PPM1B: variants seen among roughly 807,000 people sequenced by gnomAD.
PPM1B encodes protein phosphatase 1B.
Under a neutral mutation model 43.0 loss-of-function variants are expected in PPM1B, and 22 were observed. The ratio of observed to expected loss-of-function variants is 0.51; its 90% CI spans 0.37 to 0.73. The LOEUF (loss-of-function observed/expected upper bound fraction) is 0.73. Ranked by LOEUF, PPM1B falls within the 30% of genes least tolerant of loss-of-function variation. PPM1B has a pLI of 0.00. For missense variants in PPM1B, 632 were observed against 584.2 expected (o/e 1.08, Z -0.84); for synonymous variants, 217 against 197.9 (o/e 1.10, Z -0.81).
At chr2:44,213,740 T>G (rs935899592) in intron 3 of PPM1B, 1 of 152,204 alleles carries the variant, frequency 6.6e-6, no homozygotes, top group African/African-American at 2.4e-5. Context: ...TTGAGGGTGA[T>G]GAAAACGTGA....
rs544393833 is a variant in PPM1B, at chr2:44,199,274, C to T, written c.-14-1912C>T. On this transcript the variant is annotated intron_variant, in intron 1 of 5. Transcript: ENST00000282412. ...TTCCATCTCAAAAAAAAAAAAGAGC[C>T]GGGTGTGGTGGCACGTGCCTGTAGA... Among the ~76,000 whole-genome samples the T allele has an allele frequency of 2.7e-3, 324 of 119,132 alleles. 3 individuals are homozygous for T. The highest frequency in any genetic ancestry group is 9.7e-3 in the African/African-American group (289 of 29,758). 78.2% of individuals were successfully genotyped at this position (119,132 alleles called of 152,430 possible). A position where few individuals can be genotyped will look rare whatever the true frequency, so the allele number is the denominator to read the frequency against.
chr2:44,170,681 C>T (rs1269808108), intron 1 of PPM1B, among the ~76,000 whole-genome samples: 1 of 152,150 alleles, frequency 6.6e-6, no homozygotes, highest in Non-Finnish European at 1.5e-5. Context: ...TATTGTTGGC[C>T]TACTTTTAAA....
chr2:44,193,575 C>CTTTTTTTT (rs575288322), intron 1 of PPM1B, among the ~76,000 whole-genome samples: 2 of 116,714 alleles, frequency 1.7e-5, no homozygotes, highest in Non-Finnish European at 3.5e-5. Context: ...AATTTTTTTT[C>CTTTTTTTT]TTTTTTTTTT....
intron 1 of PPM1B, among the ~76,000 whole-genome samples, chr2:44,186,555 T>A (rs906848366): frequency 6.6e-6 from 1 of 152,020 alleles, no homozygotes; most frequent in East Asian, 1.9e-4. Flanking sequence ...TTTTTTTTTT[T>A]ATAGAGACAG....
intron 5 of PPM1B, 41 bp from the exon 6 acceptor site, chr2:44,230,372 A>T: frequency 6.3e-7 from 1 of 1,597,664 alleles, no homozygotes; most frequent in Non-Finnish European, 8.5e-7. Context: ...GTGATATCCT[A>T]GTTTGTCTAC....
chr2:44,221,677 T>C (rs1417575440), intron 5 of PPM1B, among the ~76,000 whole-genome samples: 1 of 152,182 alleles, frequency 6.6e-6, no homozygotes, highest in Non-Finnish European at 1.5e-5. Context: ...GACTCCTGAA[T>C]GTCTGCTTTA....
At chr2:44,238,531 G>A (rs368736191), downstream of PPM1B, among the ~76,000 whole-genome samples, 58 of 151,924 alleles carry the variant, frequency 3.8e-4, 2 homozygotes, top group South Asian at 8.5e-3. Context: ...GTGAAACCCC[G>A]TCTCTACTAA....
At chr2:44,210,018 A>C (rs1042459031) in intron 3 of PPM1B, among the ~76,000 whole-genome samples, 1 of 152,080 alleles carries the variant, frequency 6.6e-6, no homozygotes, top group African/African-American at 2.4e-5. Flanking sequence ...CCTAGTAGTA[A>C]GTGGAGAATC....
intron 1 of PPM1B, among the ~76,000 whole-genome samples, chr2:44,188,104 C>T (rs774092834): frequency 2.6e-5 from 4 of 152,122 alleles, no homozygotes; most frequent in Non-Finnish European, 5.9e-5. Context: ...CTTTGGCTTA[C>T]TTTAACTTTC....
intron 1 of PPM1B, among the ~76,000 whole-genome samples, chr2:44,195,874 C>A (rs1176745562): frequency 1.3e-5 from 2 of 152,100 alleles, no homozygotes; most frequent in African/African-American, 4.8e-5. Context: ...ATGTAAGAAG[C>A]CTGACCGTGT....
chr2:44,195,949 C>G lies in PPM1B; in HGVS notation c.-14-5237C>G, dbSNP rs539855521. Among the ~76,000 whole-genome samples, 4 of 152,270 alleles carry G rather than the reference C, an allele frequency of 2.6e-5. No homozygotes were observed. The South Asian group carries it at 8.3e-4, about 32-fold the overall frequency. On this transcript the variant is annotated intron_variant, in intron 1 of 5. Transcript: ENST00000282412. The stretch of plus-strand genomic sequence containing the variant: ...TCCTTGGGACAGTCTCAGCTAAATT[C>G]CTAGCCAGCATCCCTCATCAGCTGC...
chr2:44,233,410 T>G, downstream of PPM1B: 1 of 981,754 alleles, frequency 1.0e-6, no homozygotes, highest in Non-Finnish European at 1.2e-6. Flanking sequence ...AGTTTAATTC[T>G]ATTTTTACAG....
At chr2:44,175,716 G>C (rs1036384876) in intron 1 of PPM1B, among the ~76,000 whole-genome samples, 1 of 151,862 alleles carries the variant, frequency 6.6e-6, no homozygotes, top group African/African-American at 2.4e-5. Flanking sequence ...TCTGTAATTG[G>C]ATAAAAACTA....
intron 5 of PPM1B, among the ~76,000 whole-genome samples, chr2:44,221,156 ATAAT>A (rs969290466): frequency 1.3e-5 from 2 of 152,236 alleles, no homozygotes; most frequent in African/African-American, 4.8e-5. Context: ...TAGTTGTGAA[ATAAT>A]TACAGAGACC....
intron 2 of PPM1B, among the ~76,000 whole-genome samples, chr2:44,205,382 A>AGT (rs1669142949): frequency 1.0e-5 from 1 of 96,722 alleles, no homozygotes; most frequent in Non-Finnish European, 2.0e-5. Context: ...TGTGTGTGTA[A>AGT]GTGTCTGTCT....
intron 5 of PPM1B, among the ~76,000 whole-genome samples, chr2:44,219,476 ATTTCT>A (rs759452738): frequency 2.0e-5 from 3 of 152,086 alleles, no homozygotes; most frequent in African/African-American, 4.8e-5. Flanking sequence ...ATATAATATG[ATTTCT>A]TTTCCTTAAC....
intron 1 of PPM1B, among the ~76,000 whole-genome samples, chr2:44,171,768 T>G (rs1667356656): frequency 6.7e-6 from 1 of 148,834 alleles, no homozygotes; most frequent in East Asian, 2.0e-4. Flanking sequence ...AGGTGGAGGT[T>G]GCAGTGAGCC....
At chr2:44,199,099 A>G (rs1668798355) in intron 1 of PPM1B, among the ~76,000 whole-genome samples, 1 of 152,040 alleles carries the variant, frequency 6.6e-6, no homozygotes, top group African/African-American at 2.4e-5. Context: ...TCTACTAAAA[A>G]TACAAAAAAT....
chr2:44,209,590 A>G (rs1452892682), intron 3 of PPM1B, among the ~76,000 whole-genome samples: 1 of 152,166 alleles, frequency 6.6e-6, no homozygotes, highest in Non-Finnish European at 1.5e-5. Flanking sequence ...CATCCTGGCT[A>G]CACGGTGAAA....
Sources: allele counts gnomAD v4.1 joint callset (sites outside exome capture counted in the v4.1 genomes callset), GRCh38; gene constraint gnomAD v4.1.1; transcripts MANE v1.5; gene names NCBI Gene and HGNC (gene_info 2026-07-23, HGNC 2026-07-21).